The following ERC2 variants were observed in gnomAD, a reference collection of about 807,000 sequenced individuals.
ERC2 encodes ERC protein 2.
In ERC2, 42 loss-of-function variants were observed where a neutral mutation model predicts 114.8. The ratio of observed to expected loss-of-function variants is 0.37; its 90% CI spans 0.29 to 0.47. The LOEUF (loss-of-function observed/expected upper bound fraction) is 0.47, where lower values mean the gene tolerates loss of function less well. ERC2 is among the 20% of genes least tolerant of loss of function. The pLI is 0.99. For missense variants in ERC2, 939 were observed against 1,150.7 expected, an observed-to-expected ratio of 0.82 and a Z score of 2.66; for synonymous variants, 454 against 425.5, an observed-to-expected ratio of 1.07 and a Z score of -0.82.
At chr3:56,363,170 G>A (rs957324956) in intron 2 of ERC2, among the ~76,000 whole-genome samples, 7 of 152,214 alleles carry the variant, frequency 4.6e-5, no homozygotes, top group Non-Finnish European at 1.0e-4. Context: ...GGAATGCAAT[G>A]AGAAATAGAT....
intron 14 of ERC2, among the ~76,000 whole-genome samples, chr3:55,834,489 A>G (rs1269393905): frequency 3.3e-5 from 5 of 152,268 alleles, no homozygotes; most frequent in Admixed American, 6.5e-5. Flanking sequence ...TGGAAACTCA[A>G]AAACCTGCTC....
intron 13 of ERC2, among the ~76,000 whole-genome samples, chr3:55,944,271 C>T (rs1375009770): frequency 6.6e-6 from 1 of 152,200 alleles, no homozygotes; most frequent in Non-Finnish European, 1.5e-5. Flanking sequence ...TGCTGAAGAG[C>T]CACTAATGGA....
chr3:56,169,870 A>G (rs956898765), intron 4 of ERC2, among the ~76,000 whole-genome samples: 1 of 152,094 alleles, frequency 6.6e-6, no homozygotes, highest in Non-Finnish European at 1.5e-5. Context: ...TTTGGACATC[A>G]TGTTTATGTC....
chr3:55,872,177 A>T (rs140373997), intron 14 of ERC2, among the ~76,000 whole-genome samples: 2 of 152,286 alleles, frequency 1.3e-5, no homozygotes, highest in African/African-American at 4.8e-5. Context: ...CATTGGCCCA[A>T]CAGGGAAGAG....
chr3:56,415,103 G>T (rs1389494164), intron 2 of ERC2, among the ~76,000 whole-genome samples: 3 of 152,150 alleles, frequency 2.0e-5, no homozygotes, highest in Non-Finnish European at 4.4e-5. Flanking sequence ...AATTCCCCAG[G>T]TCACACAGCC....
intron 17 of ERC2, among the ~76,000 whole-genome samples, chr3:55,578,543 T>C (rs1470665782): frequency 6.6e-6 from 1 of 152,364 alleles, no homozygotes; most frequent in East Asian, 1.9e-4. Context: ...TGTCCTTATT[T>C]GAACTTCTCT....
intron 16 of ERC2, among the ~76,000 whole-genome samples, chr3:55,698,421 C>T (rs2063046248): frequency 6.6e-6 from 1 of 152,152 alleles, no homozygotes; most frequent in Non-Finnish European, 1.5e-5. Context: ...GAAAAGGAAA[C>T]AGAGCCACGT....
intron 2 of ERC2, among the ~76,000 whole-genome samples, chr3:56,418,566 TATAATA>T (rs1182274950): frequency 6.6e-6 from 1 of 152,204 alleles, no homozygotes; most frequent in East Asian, 1.9e-4. Context: ...AATAAATACA[TATAATA>T]ATAACAGTAC....
chr3:55,627,696 C>G (rs1299143130), intron 17 of ERC2, among the ~76,000 whole-genome samples: 1 of 152,050 alleles, frequency 6.6e-6, no homozygotes, highest in Non-Finnish European at 1.5e-5. Context: ...TTAACTCTTT[C>G]TTGATAGAGA....
chr3:56,451,418 T>G (rs1376132970), intron 1 of ERC2, among the ~76,000 whole-genome samples: 1 of 150,948 alleles, frequency 6.6e-6, no homozygotes, highest in Non-Finnish European at 1.5e-5. Flanking sequence ...ATGGCTCCAA[T>G]GGGCAAATTA....
chr3:55,937,344 G>A (rs897507807), intron 13 of ERC2, among the ~76,000 whole-genome samples: 10 of 152,122 alleles, frequency 6.6e-5, no homozygotes, highest in South Asian at 2.1e-4. Flanking sequence ...GTGAGACTCC[G>A]TCTCAAAAAC....
chr3:56,137,754 T>C (rs908546837), intron 6 of ERC2, among the ~76,000 whole-genome samples: 1 of 152,250 alleles, frequency 6.6e-6, no homozygotes, highest in African/African-American at 2.4e-5. Flanking sequence ...GTTCTCTAGC[T>C]GTGCTGTCTA....
rs34188866 is a variant in ERC2 at position 56,308,794 on chromosome 3, GTTTTT to G, written c.658-12364_658-12360del. 6.0e-5 allele frequency among the ~76,000 whole-genome samples: 9 copies of G among 149,604 alleles called. 1 individual carries two copies. The highest frequency in any genetic ancestry group is 4.7e-4 in the Admixed American group (7 of 15,002). On this transcript the variant is annotated intron_variant, in intron 2 of 17. Coordinates refer to ENST00000288221, the MANE Select transcript of ERC2 (RefSeq NM_015576.3). ...TTGGCTTATATCCAAAAGTCGTGAAGTTTTTTTTTTTAATAAATCCATACTCCTTC... is the reference window on the plus strand; with the variant it reads ...TTGGCTTATATCCAAAAGTCGTGAAGTTTTTTAATAAATCCATACTCCTTC...
intron 6 of ERC2, among the ~76,000 whole-genome samples, chr3:56,087,028 G>A (rs1040141799): frequency 6.6e-5 from 10 of 152,176 alleles, no homozygotes; most frequent in Admixed American, 5.9e-4. Flanking sequence ...AAGAAAATTA[G>A]AACTGTATGA....
At chr3:56,002,441 T>A (rs562720073) in intron 10 of ERC2, among the ~76,000 whole-genome samples, 1 of 152,198 alleles carries the variant, frequency 6.6e-6, no homozygotes, top group African/African-American at 2.4e-5. Flanking sequence ...CTGCTTCATA[T>A]ATTAATAAAT....
chr3:55,845,934 C>T (rs993788790), intron 14 of ERC2, among the ~76,000 whole-genome samples: 5 of 152,140 alleles, frequency 3.3e-5, no homozygotes, highest in Non-Finnish European at 7.3e-5. Flanking sequence ...AAGGAATATC[C>T]CAGAAAGAAG....
chr3:56,340,898 GATA>G (rs1374258829), intron 2 of ERC2, among the ~76,000 whole-genome samples: 1 of 151,902 alleles, frequency 6.6e-6, no homozygotes, highest in Non-Finnish European at 1.5e-5. Context: ...CTCCTCCCAA[GATA>G]GACCTGTGCT....
intron 15 of ERC2, among the ~76,000 whole-genome samples, chr3:55,721,019 T>A (rs1466597058): frequency 6.6e-6 from 1 of 152,206 alleles, no homozygotes; most frequent in Non-Finnish European, 1.5e-5. Flanking sequence ...ATACAACTAG[T>A]GAGTGGAGGT....
At chr3:55,556,977 T>C (rs2055657757) in intron 17 of ERC2, among the ~76,000 whole-genome samples, 1 of 152,210 alleles carries the variant, frequency 6.6e-6, no homozygotes, top group Non-Finnish European at 1.5e-5. Flanking sequence ...CTCTGTTCAC[T>C]ATGGGATACC....
Sources: allele counts gnomAD v4.1 joint callset (sites outside exome capture counted in the v4.1 genomes callset), GRCh38; gene constraint gnomAD v4.1.1; transcripts MANE v1.5; gene names NCBI Gene and HGNC (gene_info 2026-07-23, HGNC 2026-07-21).